Variants in HAS3 observed in about 807,000 individuals in gnomAD.
HAS3 encodes the protein HA synthase 3.
HAS3 carries 27 observed loss-of-function variants against 50.3 expected under a neutral mutation model. The observed-to-expected ratio is 0.54, with a 90% CI of 0.40 to 0.74. The LOEUF is 0.74. HAS3 is among the 30% of genes least tolerant of loss of function. The probability of loss-of-function intolerance (pLI) is 0.00; values close to 1 mark genes in which losing one functional copy is unlikely to be tolerated. For missense variants in HAS3, 517 were observed against 742.8 expected, an observed-to-expected ratio of 0.70 and a Z score of 3.53; for synonymous variants, 339 against 310.9, an observed-to-expected ratio of 1.09 and a Z score of -0.95.
the HAS3 span, among the ~76,000 whole-genome samples, chr16:69,095,424 C>T: frequency 6.6e-6 from 1 of 152,104 alleles, no homozygotes; most frequent in Non-Finnish European, 1.5e-5. Flanking sequence ...ACTGGCCTCT[C>T]GGTGCCAGAA....
chr16:69,103,517 TCC>T (rs1193265932), upstream of HAS3, among the ~76,000 whole-genome samples: 2 of 152,162 alleles, frequency 1.3e-5, no homozygotes, highest in Non-Finnish European at 2.9e-5. Flanking sequence ...TGCCTCAGCC[TCC>T]TGGGTAGCTG....
upstream of HAS3, among the ~76,000 whole-genome samples, chr16:69,101,355 C>T (rs759511844): frequency 1.4e-4 from 22 of 152,172 alleles, no homozygotes; most frequent in Non-Finnish European, 2.8e-4. Context: ...GGCTGGAGTG[C>T]AGTGGTATGA....
chr16:69,089,061 C>T, the HAS3 span, among the ~76,000 whole-genome samples: 1 of 152,210 alleles, frequency 6.6e-6, no homozygotes, highest in East Asian at 1.9e-4. Flanking sequence ...TTCAGCTCCT[C>T]TTCTCTGGTA....
Position 69,117,319 on chromosome 16 carries a change from G to T in HAS3, c.*2053G>T, listed in dbSNP as rs918178890. ...ACCATCAGCTCTGCCTTGCACTGTG[G>T]TCGTCAACTTTCCTCAAATCAAAAA... On this transcript the variant is annotated 3_prime_UTR_variant, in exon 4 of 4. Coordinates refer to ENST00000569188, the MANE Select transcript of HAS3 (RefSeq NM_001199280.2). The T allele has an allele frequency of 1.1e-5, 11 of 985,820 alleles. No homozygotes were observed. Among genetic ancestry groups the T allele is most frequent in the Non-Finnish European group, 1.3e-5 (11 of 829,916 alleles). The allele number at this position is 985,820 out of a possible 1,614,324, so 61.1% of individuals were successfully genotyped here.
the HAS3 span, among the ~76,000 whole-genome samples, chr16:69,093,912 C>T: frequency 1.3e-5 from 2 of 152,148 alleles, no homozygotes; most frequent in Non-Finnish European, 2.9e-5. Context: ...CATACCATTC[C>T]TTGAGAGAGG....
At position 69,116,623 on chromosome 16, in the gene HAS3, G is replaced by A; in HGVS notation, c.*1357G>A. On this transcript the variant is annotated 3_prime_UTR_variant, in exon 4 of 4. Coordinates refer to ENST00000569188, the MANE Select transcript of HAS3 (RefSeq NM_001199280.2). ...CTTCTTTCCAGAAACCAAACTAGGA[G>A]ATGAAACTGGTTCCTACATCCTAAG... is the stretch of plus-strand genomic sequence containing the variant. The A allele has an allele frequency of 1.0e-6, 1 of 985,422 alleles. No individual in the cohort carries two copies. Among genetic ancestry groups the A allele is most frequent in the Non-Finnish European group, 1.2e-6 (1 of 829,852 alleles). The allele number at this position is 985,422 out of a possible 1,614,324, so 61.0% of individuals were successfully genotyped here. A position where few individuals can be genotyped will look rare whatever the true frequency, so the allele number is the denominator to read the frequency against.
In HAS3 at chr16:69,115,510, G is replaced by A. The variant is rs116262986; in HGVS notation, c.*244G>A. On this transcript the variant is annotated 3_prime_UTR_variant, in exon 4 of 4. Transcript: ENST00000569188. ...TTCTGTGTTTTCAGACTGCCTGTCT[G>A]CTTGCATCTGCACATAGGCAGTAGC... The A allele has an allele frequency of 1.6e-4, 201 of 1,233,100 alleles. No homozygotes were observed. In the African/African-American group the frequency reaches 2.9e-3, roughly 18 times the overall value. 76.4% of individuals were successfully genotyped at this position (1,233,100 alleles called of 1,614,324 possible).
At chr16:69,101,807 C>T (rs1048240544), upstream of HAS3, among the ~76,000 whole-genome samples, 2 of 150,654 alleles carry the variant, frequency 1.3e-5, no homozygotes, top group African/African-American at 4.9e-5. Flanking sequence ...TTTTATGAGA[C>T]GGGGTCTCGC....
rs1314528998 is a variant in HAS3, at chr16:69,116,086, C to T, written c.*820C>T. The T allele has an allele frequency of 4.1e-6, 4 of 985,362 alleles. No homozygotes were observed. Among genetic ancestry groups the T allele is most frequent in the Non-Finnish European group, 4.8e-6 (4 of 829,862 alleles). 61.0% of individuals were successfully genotyped at this position (985,362 alleles called of 1,614,324 possible). A position where few individuals can be genotyped will look rare whatever the true frequency, so the allele number is the denominator to read the frequency against. On this transcript the variant is annotated 3_prime_UTR_variant, in exon 4 of 4. Coordinates refer to ENST00000569188, the MANE Select transcript of HAS3 (RefSeq NM_001199280.2). Reference sequence around the variant, plus strand: ...TGCTGGGGAGATAAAAAGATTAAGCCCCAACATGTTCAGAAAAGAAGTGAA... The same window carrying T: ...TGCTGGGGAGATAAAAAGATTAAGCTCCAACATGTTCAGAAAAGAAGTGAA...
the HAS3 span, among the ~76,000 whole-genome samples, chr16:69,085,928 G>A: frequency 6.6e-6 from 1 of 151,676 alleles, no homozygotes; most frequent in Non-Finnish European, 1.5e-5. Context: ...ATGGAGTAGT[G>A]CAGTCATGGC....
the HAS3 span, among the ~76,000 whole-genome samples, chr16:69,095,664 A>G: frequency 6.6e-6 from 1 of 151,932 alleles, no homozygotes; most frequent in South Asian, 2.1e-4. Context: ...GGGAATCACT[A>G]CATTGGCTTA....
At chr16:69,118,430 G>A (rs533106531), downstream of HAS3, 17 of 1,611,960 alleles carry the variant, frequency 1.1e-5, no homozygotes, top group Non-Finnish European at 1.4e-5. Flanking sequence ...AGCATGGTCC[G>A]TTCACCAACG....
chr16:69,101,064 AC>A (rs1305074827), upstream of HAS3, among the ~76,000 whole-genome samples: 1 of 151,830 alleles, frequency 6.6e-6, no homozygotes, highest in Non-Finnish European at 1.5e-5. Flanking sequence ...CCTAGTCCTT[AC>A]CCCAAAATGC....
At chr16:69,087,559 TTTTTTTC>T in the HAS3 span, among the ~76,000 whole-genome samples, 2 of 151,996 alleles carry the variant, frequency 1.3e-5, no homozygotes, top group Non-Finnish European at 2.9e-5. Context: ...TTGTTGCTTT[TTTTTTTC>T]TTTTTGTATT....
At chr16:69,091,078 C>A in the HAS3 span, among the ~76,000 whole-genome samples, 1 of 152,146 alleles carries the variant, frequency 6.6e-6, no homozygotes, top group Non-Finnish European at 1.5e-5. Flanking sequence ...CCAAGAGATA[C>A]CGTATTTCCA....
rs115237502 is a variant in HAS3 at position 69,115,659 on chromosome 16, C to G, written c.*393C>G. 5,839 of 999,124 alleles carry G rather than the reference C, an allele frequency of 5.8e-3. 246 individuals carry two copies. In the African/African-American group the frequency reaches 0.09, roughly 15 times the overall value. 61.9% of individuals were successfully genotyped at this position (999,124 alleles called of 1,614,324 possible). ...GCGGAAGGAGGTTCTCCCAGCCCAT[C>G]TGAACACAACCAGAGGTGGCAGGAG... On this transcript the variant is annotated 3_prime_UTR_variant, in exon 4 of 4. Coordinates refer to ENST00000569188, the MANE Select transcript of HAS3 (RefSeq NM_001199280.2).
chr16:69,103,908 C>T (rs1330102839), upstream of HAS3, among the ~76,000 whole-genome samples: 8 of 152,196 alleles, frequency 5.3e-5, no homozygotes, highest in Admixed American at 5.2e-4. Flanking sequence ...CTGGGGCTTA[C>T]TGGCAGACTC....
downstream of HAS3, chr16:69,117,774 C>T (rs1303630749): frequency 9.7e-6 from 3 of 310,642 alleles, no homozygotes; most frequent in Admixed American, 1.3e-4. Context: ...GGCAATATGT[C>T]CATCCTGGTA....
chr16:69,087,597 A>G, the HAS3 span, among the ~76,000 whole-genome samples: 1 of 145,478 alleles, frequency 6.9e-6, no homozygotes, highest in South Asian at 2.2e-4. Context: ...ACAGGGTTTC[A>G]CCTTCTTGGC....
Sources: allele counts gnomAD v4.1 joint callset (sites outside exome capture counted in the v4.1 genomes callset), GRCh38; gene constraint gnomAD v4.1.1; transcripts MANE v1.5; gene names NCBI Gene and HGNC (gene_info 2026-07-23, HGNC 2026-07-21).